The following SYT16 variants were observed in gnomAD, a reference collection of about 807,000 sequenced individuals.
The protein encoded by SYT16 is synaptotagmin-16.
In SYT16, 42 loss-of-function variants were observed where a neutral mutation model predicts 61.4. The ratio of observed to expected loss-of-function variants is 0.68; its 90% CI spans 0.53 to 0.89. The LOEUF is 0.89. Among genes scored for constraint, SYT16 ranks in the 40% least tolerant of loss-of-function variants. The probability of loss-of-function intolerance (pLI) is 0.00; values close to 1 mark genes in which losing one functional copy is unlikely to be tolerated. For synonymous variants in SYT16, 314 were observed against 302.3 expected (o/e 1.04, Z -0.40); for missense variants, 804 against 807.3 (o/e 1.00, Z 0.05).
chr14:61,859,004 A>G (rs61040636), intron 1 of SYT16, among the ~76,000 whole-genome samples: 23,929 of 149,424 alleles, frequency 0.16, 2,209 homozygotes, highest in African/African-American at 0.26. Flanking sequence ...ACAGGCGCCC[A>G]CCACTACGCC....
intron 1 of SYT16, among the ~76,000 whole-genome samples, chr14:61,953,319 C>G (rs2050743161): frequency 1.3e-5 from 2 of 152,100 alleles, no homozygotes; most frequent in Admixed American, 1.3e-4. Context: ...AAAATCTGAA[C>G]ATAAACTGTA....
intron 1 of SYT16, among the ~76,000 whole-genome samples, chr14:61,961,956 G>A (rs118027553): frequency 0.044 from 6,666 of 152,212 alleles, 179 homozygotes; most frequent in African/African-American, 0.079. Flanking sequence ...ATGAGATTAT[G>A]TCCTTTGCAG....
At chr14:62,046,395 C>T (rs148163039) in intron 3 of SYT16, among the ~76,000 whole-genome samples, 71,380 of 151,558 alleles carry the variant, frequency 0.47, 21,099 homozygotes, top group African/African-American at 0.85. Flanking sequence ...TTCTCCCATT[C>T]TGTAGGTTGC....
intron 3 of SYT16, among the ~76,000 whole-genome samples, chr14:62,036,287 A>G (rs562463663): frequency 3.0e-4 from 45 of 152,252 alleles, no homozygotes; most frequent in Admixed American, 2.0e-3. Context: ...AGGATCTGAA[A>G]AAAGAAAAGA....
intron 2 of SYT16, among the ~76,000 whole-genome samples, chr14:61,987,490 A>T (rs1305690947): frequency 6.6e-6 from 1 of 152,200 alleles, no homozygotes; most frequent in African/African-American, 2.4e-5. Flanking sequence ...TGGTTCAGTT[A>T]GGAAATAATG....
At chr14:61,813,482 C>T (rs527269858) in intron 1 of SYT16, among the ~76,000 whole-genome samples, 1 of 152,320 alleles carries the variant, frequency 6.6e-6, no homozygotes, top group South Asian at 2.1e-4. Flanking sequence ...AAGTTAGTTG[C>T]GTTTGAAGCC....
intron 3 of SYT16, among the ~76,000 whole-genome samples, chr14:62,024,123 T>C (rs1190460496): frequency 6.6e-6 from 1 of 152,148 alleles, no homozygotes; most frequent in Non-Finnish European, 1.5e-5. Flanking sequence ...ATGGTCATAA[T>C]AATATAAATA....
intron 1 of SYT16, among the ~76,000 whole-genome samples, chr14:61,822,956 ATTAC>A (rs1462025223): frequency 6.6e-6 from 1 of 152,120 alleles, no homozygotes; most frequent in South Asian, 2.1e-4. Context: ...GGCATAGGGT[ATTAC>A]TTAAAGTTTT....
intron 3 of SYT16, among the ~76,000 whole-genome samples, chr14:62,023,659 A>G (rs932525244): frequency 1.3e-5 from 2 of 152,186 alleles, no homozygotes; most frequent in Non-Finnish European, 2.9e-5. Context: ...CTCAAGGATC[A>G]TAGATTCTTA....
chr14:61,996,156 A>G lies in SYT16; in HGVS notation c.137A>G (p.Asp46Gly), dbSNP rs1276214535. 5 of 1,613,194 alleles carry G rather than the reference A, an allele frequency of 3.1e-6. No individual in the cohort carries two copies. The African/African-American group carries it at 6.7e-5, about 22-fold the overall frequency. The change falls in exon 3 of 8, where the codon GAC becomes GGC. Residue 46 changes from aspartate (D) to glycine (G), a missense_variant. Coordinates refer to ENST00000683842, the MANE Select transcript of SYT16 (RefSeq NM_001367656.1). Reference sequence around the variant, plus strand: ...TCGCTGGTTAACATAAGCAAACAAGACTCTAAATTGAGTGACAAACTAGAT... The same window carrying G: ...TCGCTGGTTAACATAAGCAAACAAGGCTCTAAATTGAGTGACAAACTAGAT... ...SASLVNISKQ[D>G]SKLSDKLDQD...
At chr14:62,008,179 C>CT (rs1413448102) in intron 3 of SYT16, among the ~76,000 whole-genome samples, 1 of 151,784 alleles carries the variant, frequency 6.6e-6, no homozygotes, top group African/African-American at 2.4e-5. Context: ...TTCGGTAAAT[C>CT]TCCTTTCTTT....
intron 1 of SYT16, chr14:61,865,346 G>A (rs1332564403): frequency 4.4e-6 from 3 of 677,652 alleles, no homozygotes; most frequent in Admixed American, 1.9e-5. Context: ...GAAGCAGTCC[G>A]GAAAGGGAAA....
chr14:61,913,496 G>A (rs2049007840), intron 1 of SYT16, among the ~76,000 whole-genome samples: 1 of 152,116 alleles, frequency 6.6e-6, no homozygotes, highest in South Asian at 2.1e-4. Context: ...GACATGAGGA[G>A]TAAGGCAGCA....
At chr14:61,845,346 C>G (rs2046413941) in intron 1 of SYT16, among the ~76,000 whole-genome samples, 1 of 152,134 alleles carries the variant, frequency 6.6e-6, no homozygotes, top group Non-Finnish European at 1.5e-5. Context: ...TGTGCCCAGC[C>G]TGGGAGACTT....
upstream of SYT16, chr14:61,812,473 T>G: frequency 6.7e-6 from 1 of 149,068 alleles, no homozygotes; most frequent in Non-Finnish European, 1.5e-5. Flanking sequence ...AGCATCCTCT[T>G]TGGGGGAGGG....
chr14:61,958,270 AT>A (rs201865009), intron 1 of SYT16, among the ~76,000 whole-genome samples: 4 of 147,922 alleles, frequency 2.7e-5, no homozygotes, highest in African/African-American at 7.5e-5. Flanking sequence ...TCTCTAGTCC[AT>A]TTTTTTTCTG....
At chr14:61,854,122 A>G (rs2046702744) in intron 1 of SYT16, among the ~76,000 whole-genome samples, 1 of 152,178 alleles carries the variant, frequency 6.6e-6, no homozygotes, top group Non-Finnish European at 1.5e-5. Context: ...ACATACACAT[A>G]TGCACATACA....
At chr14:62,096,154 A>G (rs1354964670) in intron 7 of SYT16, among the ~76,000 whole-genome samples, 4 of 152,088 alleles carry the variant, frequency 2.6e-5, no homozygotes, top group Non-Finnish European at 5.9e-5. Flanking sequence ...GAGACTATTG[A>G]GTTTGGGTAG....
At chr14:61,891,238 ACG>A (rs754911743) in intron 1 of SYT16, among the ~76,000 whole-genome samples, 1 of 103,376 alleles carries the variant, frequency 9.7e-6, no homozygotes, top group Non-Finnish European at 1.8e-5. Context: ...GCATACACAC[ACG>A]CGCACACACA....
Sources: gnomAD v4.1 joint callset for allele counts (sites outside exome capture counted in the v4.1 genomes callset) on GRCh38, gnomAD v4.1.1 for gene constraint, MANE v1.5 for transcripts, NCBI Gene and HGNC (gene_info 2026-07-23, HGNC 2026-07-21) for gene names.